GABRG2: variants seen among roughly 807,000 people sequenced by gnomAD.
GABRG2 encodes gamma-aminobutyric acid receptor subunit gamma-2.
Under a neutral mutation model 56.4 loss-of-function variants are expected in GABRG2, and 16 were observed. That is an observed-to-expected ratio of 0.28 (90% CI 0.19 to 0.43). The LOEUF is 0.43. GABRG2 is among the 20% of genes least tolerant of loss of function. The pLI, the probability that GABRG2 is intolerant of heterozygous loss-of-function variation, is 1.00. For missense variants in GABRG2, 327 were observed against 582.7 expected (o/e 0.56, Z 4.52); for synonymous variants, 208 against 205.5 (o/e 1.01, Z -0.10).
At chr5:162,116,826 T>C (rs1762656716) in intron 6 of GABRG2, among the ~76,000 whole-genome samples, 1 of 152,092 alleles carries the variant, frequency 6.6e-6, no homozygotes, top group Non-Finnish European at 1.5e-5. Context: ...TATGGGACCA[T>C]AACTTTGACA....
intron 6 of GABRG2, among the ~76,000 whole-genome samples, chr5:162,104,920 G>A (rs1376411439): frequency 6.6e-6 from 1 of 152,062 alleles, no homozygotes; most frequent in Non-Finnish European, 1.5e-5. Context: ...TCTCAGCAAT[G>A]TTGCTTATAT....
intron 6 of GABRG2, among the ~76,000 whole-genome samples, chr5:162,120,957 T>A (rs1375181453): frequency 6.6e-6 from 1 of 152,156 alleles, no homozygotes; most frequent in African/African-American, 2.4e-5. Flanking sequence ...GCACATATTG[T>A]ATATAAAAGA....
chr5:162,137,962 G>A (rs1015720643), intron 6 of GABRG2, among the ~76,000 whole-genome samples: 3 of 149,498 alleles, frequency 2.0e-5, no homozygotes, highest in Admixed American at 6.7e-5. Context: ...TTTTCACTAC[G>A]TTGCCCAGGC....
chr5:162,099,795 C>T (rs918811897), intron 4 of GABRG2: 3 of 152,212 alleles, frequency 2.0e-5, no homozygotes, highest in South Asian at 2.1e-4. Context: ...TGAATGGTTA[C>T]CAGTCTACAT....
chr5:162,074,799 T>C (rs530804096), intron 1 of GABRG2, among the ~76,000 whole-genome samples: 1 of 152,268 alleles, frequency 6.6e-6, no homozygotes, highest in South Asian at 2.1e-4. Context: ...TTTTGCATTA[T>C]AGAGAATACA....
At chr5:162,135,255 A>C (rs1437306130) in intron 6 of GABRG2, among the ~76,000 whole-genome samples, 1 of 152,086 alleles carries the variant, frequency 6.6e-6, no homozygotes, top group Non-Finnish European at 1.5e-5. Flanking sequence ...TAGGATTGCT[A>C]ACAGCTCACT....
rs188796030 is a variant in GABRG2, at chr5:162,115,403, T to A, written c.769+11377T>A. Among the ~76,000 whole-genome samples, 508 of 152,308 alleles carry A rather than the reference T, an allele frequency of 3.3e-3. 1 individual carries two copies. The highest frequency in any genetic ancestry group is 0.012 in the African/African-American group (494 of 41,566). On this transcript the variant is annotated intron_variant, in intron 6 of 9. Coordinates refer to ENST00000639213, the MANE Select transcript of GABRG2 (RefSeq NM_198904.4). ...CTAACAAAACTTTTATCATGTTTTC[T>A]TATTATGTCACATTCAGAAATTAAC...
Position 162,078,263 on chromosome 5 carries a change from G to T in GABRG2, c.107+10157G>T, listed in dbSNP as rs1430665533. Among the ~76,000 whole-genome samples, 6 of 150,422 alleles carry T rather than the reference G, an allele frequency of 4.0e-5. No homozygotes were observed. The Admixed American group carries it at 4.0e-4, about 10-fold the overall frequency. Reference sequence around the variant, plus strand: ...TGGTTTGCAAATTGCTCTTCTCATTGTATCCTCACAAATAGTGTTATGCCA... The same window carrying T: ...TGGTTTGCAAATTGCTCTTCTCATTTTATCCTCACAAATAGTGTTATGCCA... On this transcript the variant is annotated intron_variant, in intron 1 of 9. Transcript: ENST00000639213.
At chr5:162,093,385 T>A (rs1405753087) in intron 1 of GABRG2, among the ~76,000 whole-genome samples, 1 of 152,106 alleles carries the variant, frequency 6.6e-6, no homozygotes, top group Non-Finnish European at 1.5e-5. Context: ...TGGGAGGGAA[T>A]CTAATTATCA....
At position 162,073,267 on chromosome 5, in the gene GABRG2, G is replaced by GT. The variant is rs34161555; in HGVS notation, c.107+5171dup. ...ATGCTTAGCAGCAGTCTGAAATTAG[G>GT]TTTTTTTTTTAATATAAGAGCATAT... On this transcript the variant is annotated intron_variant, in intron 1 of 9. Transcript: ENST00000639213. 2.2e-3 allele frequency among the ~76,000 whole-genome samples: 323 copies of GT among 148,286 alleles called. 2 individuals carry two copies. The highest frequency in any genetic ancestry group is 0.012 in the South Asian group (58 of 4,672).
chr5:162,101,335 T>A lies in GABRG2; in HGVS notation c.631+18T>A, dbSNP rs145582456. 130 of 1,447,488 alleles carry A rather than the reference T, an allele frequency of 9.0e-5. No individual in the cohort carries two copies. In the African/African-American group the frequency reaches 1.8e-3, roughly 20 times the overall value. 89.7% of individuals were successfully genotyped at this position (1,447,488 alleles called of 1,614,324 possible). On this transcript the variant is annotated intron_variant, in intron 5 of 9. Transcript: ENST00000639213. Reference sequence around the variant, plus strand: ...CTCCAGTTGTAAGTAATATTCCTTCTCCATTTGTATCCTCCCTCACCTACA... The same window carrying A: ...CTCCAGTTGTAAGTAATATTCCTTCACCATTTGTATCCTCCCTCACCTACA...
intron 1 of GABRG2, among the ~76,000 whole-genome samples, chr5:162,070,757 T>C (rs999252053): frequency 6.6e-6 from 1 of 151,934 alleles, no homozygotes; most frequent in African/African-American, 2.4e-5. Flanking sequence ...TGTGCTGTCA[T>C]AAAAAATAAC....
chr5:162,094,323 A>G (rs1410945942), intron 2 of GABRG2: 2 of 305,316 alleles, frequency 6.6e-6, no homozygotes, highest in Non-Finnish European at 1.2e-5. Flanking sequence ...AAGAGAGGAT[A>G]TATTGTTTGC....
rs533258756 is a variant in GABRG2, at chr5:162,105,432, C to CTTTTTTTTTTTTT, written c.769+1409_769+1421dup. On this transcript the variant is annotated intron_variant, in intron 6 of 9. Coordinates refer to ENST00000639213, the MANE Select transcript of GABRG2 (RefSeq NM_198904.4). ...GACCATCAAGTATTAGTAGAACAAT[C>CTTTTTTTTTTTTT]TTTTTTTTTTTTTTTGAGAAGGAGT... Among the ~76,000 whole-genome samples, 353 of 104,100 alleles carry CTTTTTTTTTTTTT rather than the reference C, an allele frequency of 3.4e-3. 34 individuals carry two copies. Among genetic ancestry groups the CTTTTTTTTTTTTT allele is most frequent in the East Asian group, 7.4e-3 (25 of 3,374 alleles). The allele number at this position is 104,100 out of a possible 152,430, so 68.3% of individuals were successfully genotyped here.
intron 1 of GABRG2, among the ~76,000 whole-genome samples, chr5:162,092,881 A>G (rs1330037780): frequency 6.6e-6 from 1 of 152,158 alleles, no homozygotes; most frequent in Non-Finnish European, 1.5e-5. Flanking sequence ...TGTTGATAAA[A>G]ATGGAAATGG....
At chr5:162,092,608 A>G (rs1351737985) in intron 1 of GABRG2, among the ~76,000 whole-genome samples, 2 of 152,136 alleles carry the variant, frequency 1.3e-5, no homozygotes, top group Non-Finnish European at 2.9e-5. Flanking sequence ...TGTATATTTA[A>G]CTACATTGTA....
At chr5:162,078,077 A>C (rs1186056798) in intron 1 of GABRG2, among the ~76,000 whole-genome samples, 2 of 152,082 alleles carry the variant, frequency 1.3e-5, no homozygotes, top group African/African-American at 4.8e-5. Context: ...AGGGATCTAC[A>C]TGAAGCTGAT....
At chr5:162,068,252 C>T in intron 1 of GABRG2, 146 bp downstream of exon 1, 2 of 695,026 alleles carry the variant, frequency 2.9e-6, no homozygotes, top group Non-Finnish European at 5.3e-6. Flanking sequence ...ATATATGGGG[C>T]GGGGACTGGA....
chr5:162,128,001 G>T (rs1179119022), intron 6 of GABRG2, among the ~76,000 whole-genome samples: 1 of 151,952 alleles, frequency 6.6e-6, no homozygotes, highest in Non-Finnish European at 1.5e-5. Flanking sequence ...GCAAGGCTTT[G>T]GTCACATGGG....
Sources: allele counts gnomAD v4.1 joint callset (sites outside exome capture counted in the v4.1 genomes callset), GRCh38; gene constraint gnomAD v4.1.1; transcripts MANE v1.5; gene names NCBI Gene and HGNC (gene_info 2026-07-23, HGNC 2026-07-21).